The following FGF12 variants were observed in gnomAD, a reference collection of about 807,000 sequenced individuals.
FGF12 encodes fibroblast growth factor 12B.
Under a neutral mutation model 23.6 loss-of-function variants are expected in FGF12, and 14 were observed. That is an observed-to-expected ratio of 0.59 (90% CI 0.39 to 0.93). FGF12 has a LOEUF of 0.93. FGF12 is among the 40% of genes least tolerant of loss of function. The pLI is 0.00. For synonymous variants in FGF12, 62 were observed against 77.3 expected, an observed-to-expected ratio of 0.80 and a Z score of 1.04; for missense variants, 175 against 217.8, an observed-to-expected ratio of 0.80 and a Z score of 1.24.
chr3:192,700,666 A>C (rs1718261604), intron 2 of FGF12, among the ~76,000 whole-genome samples: 1 of 152,146 alleles, frequency 6.6e-6, no homozygotes, highest in Non-Finnish European at 1.5e-5. Context: ...GGCCTCCAAC[A>C]ACTTATAGAA....
At chr3:192,679,540 A>G (rs963063213) in intron 2 of FGF12, among the ~76,000 whole-genome samples, 1 of 152,010 alleles carries the variant, frequency 6.6e-6, no homozygotes, top group Non-Finnish European at 1.5e-5. Flanking sequence ...CTGGAGTTTG[A>G]GGCTGCAGTG....
chr3:192,321,202 G>A (rs1716516294), intron 4 of FGF12, among the ~76,000 whole-genome samples: 1 of 151,804 alleles, frequency 6.6e-6, no homozygotes, highest in African/African-American at 2.4e-5. Flanking sequence ...TACAATACCT[G>A]GAAGACAAAG....
At chr3:192,546,486 C>CA (rs34097611) in intron 2 of FGF12, among the ~76,000 whole-genome samples, 10 of 142,900 alleles carry the variant, frequency 7.0e-5, no homozygotes, top group Admixed American at 1.4e-4. Flanking sequence ...TGCTACTTTT[C>CA]AAAAAAAAAA....
At chr3:192,169,959 A>G (rs1328378796) in intron 5 of FGF12, among the ~76,000 whole-genome samples, 1 of 150,064 alleles carries the variant, frequency 6.7e-6, no homozygotes, top group Non-Finnish European at 1.5e-5. Context: ...TACGGTAAAT[A>G]TAAAAGTATC....
chr3:192,592,496 C>T lies in FGF12; in HGVS notation c.13+134685G>A, dbSNP rs546052418. On this transcript the variant is annotated intron_variant, in intron 2 of 5. Coordinates refer to ENST00000445105, the MANE Select transcript of FGF12 (RefSeq NM_004113.6). ...GTTTTTTCCCCTCCTATCGTTGTTT[C>T]TTTCTTAGGGTTATGGGAAACTTTT... 2.0e-5 allele frequency among the ~76,000 whole-genome samples: 3 copies of T among 151,684 alleles called. 1 individual carries two copies. The highest frequency in any genetic ancestry group is 4.4e-5 in the Non-Finnish European group (3 of 67,858).
At chr3:192,534,245 TA>T (rs1366930866) in intron 2 of FGF12, 1 of 152,212 alleles carries the variant, frequency 6.6e-6, no homozygotes, top group African/African-American at 2.4e-5. Context: ...ACACACTGAG[TA>T]AACTTCAAAG....
intron 2 of FGF12, among the ~76,000 whole-genome samples, chr3:192,669,113 A>T (rs1476444828): frequency 6.6e-6 from 1 of 152,248 alleles, no homozygotes; most frequent in African/African-American, 2.4e-5. Flanking sequence ...CTATTGGAAT[A>T]AGAATCTCAA....
intron 4 of FGF12, among the ~76,000 whole-genome samples, chr3:192,219,087 T>A (rs758163735): frequency 3.3e-4 from 51 of 152,244 alleles, no homozygotes; most frequent in African/African-American, 6.5e-4. Flanking sequence ...TTATTTTTTT[T>A]AATTATTTTT....
At chr3:192,440,900 GAT>G (rs984586333) in intron 2 of FGF12, among the ~76,000 whole-genome samples, 2 of 152,144 alleles carry the variant, frequency 1.3e-5, no homozygotes, top group African/African-American at 4.8e-5. Context: ...CATTTTAAAG[GAT>G]ATAGAATTTC....
intron 2 of FGF12, among the ~76,000 whole-genome samples, chr3:192,639,390 T>A (rs865899791): frequency 6.6e-6 from 1 of 152,218 alleles, no homozygotes; most frequent in African/African-American, 2.4e-5. Context: ...GAAAGCAGTA[T>A]GGAGATTTCC....
rs190653626 is a variant in FGF12 at position 192,438,556 on chromosome 3, G to A, written c.14-78018C>T. Reference sequence around the variant, plus strand: ...GCTCTTCGTATTTCCTGGTGCCAGTGCAGTGAAATCACTAATTAATAAGCC... The same window carrying A: ...GCTCTTCGTATTTCCTGGTGCCAGTACAGTGAAATCACTAATTAATAAGCC... On this transcript the variant is annotated intron_variant, in intron 2 of 5. Coordinates refer to ENST00000445105, the MANE Select transcript of FGF12 (RefSeq NM_004113.6). Among the ~76,000 whole-genome samples, 271 of 152,318 alleles carry A rather than the reference G, an allele frequency of 1.8e-3. 2 individuals are homozygous for A. Among genetic ancestry groups the A allele is most frequent in the Non-Finnish European group, 2.8e-4 (19 of 68,022 alleles).
intron 4 of FGF12, among the ~76,000 whole-genome samples, chr3:192,291,356 G>C (rs920694018): frequency 6.6e-6 from 1 of 152,056 alleles, no homozygotes; most frequent in East Asian, 1.9e-4. Context: ...CAAGGGAGAA[G>C]GATCACTTGA....
chr3:192,469,806 A>T (rs967244685), intron 2 of FGF12, among the ~76,000 whole-genome samples: 1 of 152,236 alleles, frequency 6.6e-6, no homozygotes, highest in Non-Finnish European at 1.5e-5. Context: ...ACTGTGCAAT[A>T]AACTGAACCT....
chr3:192,723,943 G>T (rs1719123326), intron 2 of FGF12, among the ~76,000 whole-genome samples: 1 of 125,744 alleles, frequency 8.0e-6, no homozygotes, highest in Admixed American at 7.9e-5. Context: ...GAAGAGGAAA[G>T]GAGGGGAGGG....
chr3:192,353,570 T>C (rs540787764), intron 3 of FGF12, among the ~76,000 whole-genome samples: 4 of 152,110 alleles, frequency 2.6e-5, no homozygotes, highest in Admixed American at 2.0e-4. Context: ...GGGGTTTCAC[T>C]GTGTTAGCCA....
At chr3:192,691,263 C>T (rs59956828) in intron 2 of FGF12, among the ~76,000 whole-genome samples, 1 of 151,894 alleles carries the variant, frequency 6.6e-6, no homozygotes, top group Non-Finnish European at 1.5e-5. Context: ...GGAACATTGT[C>T]GAGTATAGAT....
At chr3:192,213,603 T>G (rs1289722324) in intron 4 of FGF12, among the ~76,000 whole-genome samples, 2 of 152,214 alleles carry the variant, frequency 1.3e-5, no homozygotes, top group East Asian at 3.8e-4. Context: ...CAAGACTAAG[T>G]CTTAGATCCA....
At chr3:192,453,659 GGATTTAGTACT>G (rs1206198233) in intron 2 of FGF12, among the ~76,000 whole-genome samples, 8 of 152,006 alleles carry the variant, frequency 5.3e-5, no homozygotes, top group Admixed American at 3.9e-4. Context: ...TTTTTTGTCA[GGATTTAGTACT>G]GATCTGTGAT....
At chr3:192,486,850 A>G (rs1279818172) in intron 2 of FGF12, among the ~76,000 whole-genome samples, 1 of 152,152 alleles carries the variant, frequency 6.6e-6, no homozygotes, top group Non-Finnish European at 1.5e-5. Context: ...TCTTTTATTC[A>G]GAGCCAAAAC....
Sources: gnomAD v4.1 joint callset for allele counts (sites outside exome capture counted in the v4.1 genomes callset) on GRCh38, gnomAD v4.1.1 for gene constraint, MANE v1.5 for transcripts, NCBI Gene and HGNC (gene_info 2026-07-23, HGNC 2026-07-21) for gene names.